RABGAP1L: variants seen among roughly 807,000 people sequenced by gnomAD.
The protein encoded by RABGAP1L is RAB GTPase activating protein 1 like.
A neutral mutation model predicts 137.7 loss-of-function variants in RABGAP1L; 63 were observed. That is an observed-to-expected ratio of 0.46 (90% CI 0.37 to 0.56). The LOEUF (loss-of-function observed/expected upper bound fraction) is 0.56. Among genes scored for constraint, RABGAP1L ranks in the 20% least tolerant of loss-of-function variants. The pLI, the probability that RABGAP1L is intolerant of heterozygous loss-of-function variation, is 0.00. For missense variants in RABGAP1L, 1,095 were observed against 1,244.0 expected, an observed-to-expected ratio of 0.88 and a Z score of 1.80; for synonymous variants, 431 against 433.7, an observed-to-expected ratio of 0.99 and a Z score of 0.08.
At chr1:174,950,047 C>T (rs974649851) in intron 19 of RABGAP1L, among the ~76,000 whole-genome samples, 1 of 152,188 alleles carries the variant, frequency 6.6e-6, no homozygotes, top group Admixed American at 6.5e-5. Context: ...GGTCCAGGTA[C>T]ATGTCACAAG....
chr1:174,284,384 C>T (rs973407828), intron 10 of RABGAP1L, among the ~76,000 whole-genome samples: 5 of 152,176 alleles, frequency 3.3e-5, no homozygotes, highest in Admixed American at 2.6e-4. Context: ...GCATAATGCT[C>T]TCCACCTTTA....
rs75882909 is a variant in RABGAP1L at position 174,971,627 on chromosome 1, C to G, written c.2544+2240C>G. ...AAAACTGCTGTTTCATGCATATTTC[C>G]TCCTAACTTCTGATTTTGCAGTTTC... On this transcript the variant is annotated intron_variant, in intron 21 of 25. Coordinates refer to ENST00000681986, the MANE Select transcript of RABGAP1L (RefSeq NM_001366446.1). 5.7e-4 allele frequency among the ~76,000 whole-genome samples: 87 copies of G among 152,274 alleles called. No homozygotes were observed. In the East Asian group the frequency reaches 0.016, roughly 29 times the overall value.
chr1:174,599,090 T>C (rs1245083786), intron 13 of RABGAP1L, among the ~76,000 whole-genome samples: 2 of 152,198 alleles, frequency 1.3e-5, no homozygotes, highest in African/African-American at 4.8e-5. Context: ...CATTTTTGTG[T>C]GTTTGTATCT....
chr1:174,596,512 A>T (rs1669937972), intron 13 of RABGAP1L, among the ~76,000 whole-genome samples: 1 of 152,088 alleles, frequency 6.6e-6, no homozygotes, highest in African/African-American at 2.4e-5. Flanking sequence ...TTTCTTTTTC[A>T]GATTGTTCAT....
intron 21 of RABGAP1L, among the ~76,000 whole-genome samples, chr1:174,972,046 G>A (rs1344090374): frequency 1.3e-5 from 2 of 152,046 alleles, no homozygotes; most frequent in African/African-American, 4.8e-5. Context: ...TTGAGAACTC[G>A]CCCTCTCTCG....
rs1387591091 is a variant in RABGAP1L at position 174,761,597 on chromosome 1, C to T, written c.2211+9243C>T. ...CTCCTCATTTTTCAGACGGTGCGGC[C>T]GCCAGGCAGAGGCACTCCTCACTTC... On this transcript the variant is annotated intron_variant, in intron 18 of 25. Coordinates refer to ENST00000681986, the MANE Select transcript of RABGAP1L (RefSeq NM_001366446.1). This position sits in a 1 kb window ranked among gnomAD's most constrained non-coding sequence, Gnocchi z 4.0. Among the ~76,000 whole-genome samples, 3 of 151,096 alleles carry T rather than the reference C, an allele frequency of 2.0e-5. No homozygotes were observed. Among genetic ancestry groups the T allele is most frequent in the Admixed American group, 6.6e-5 (1 of 15,184 alleles).
chr1:174,849,314 C>T (rs1051927014), intron 19 of RABGAP1L, among the ~76,000 whole-genome samples: 1 of 152,110 alleles, frequency 6.6e-6, no homozygotes, highest in Non-Finnish European at 1.5e-5. Context: ...GAACTAAACA[C>T]CTAAACTGGA....
intron 13 of RABGAP1L, among the ~76,000 whole-genome samples, chr1:174,468,943 G>C (rs1365657729): frequency 6.6e-6 from 1 of 152,142 alleles, no homozygotes; most frequent in East Asian, 1.9e-4. Flanking sequence ...AGATTACACT[G>C]CTAATCATTT....
At chr1:174,899,938 G>C (rs1356993259) in intron 19 of RABGAP1L, among the ~76,000 whole-genome samples, 1 of 152,124 alleles carries the variant, frequency 6.6e-6, no homozygotes, top group African/African-American at 2.4e-5. Context: ...GAATGTTTGG[G>C]GGGGTAGAAT....
intron 14 of RABGAP1L, among the ~76,000 whole-genome samples, chr1:174,672,675 A>G (rs1312601244): frequency 6.6e-6 from 1 of 151,972 alleles, no homozygotes; most frequent in Non-Finnish European, 1.5e-5. Context: ...ATTTTTCTCA[A>G]AAAAATTTTA....
At chr1:174,682,895 G>A (rs1203185853) in intron 14 of RABGAP1L, among the ~76,000 whole-genome samples, 1 of 152,166 alleles carries the variant, frequency 6.6e-6, no homozygotes, top group Non-Finnish European at 1.5e-5. Flanking sequence ...TATGTATGTA[G>A]CATGAGGCTG....
chr1:174,504,153 T>G (rs1661601225), intron 13 of RABGAP1L, among the ~76,000 whole-genome samples: 1 of 151,758 alleles, frequency 6.6e-6, no homozygotes, highest in African/African-American at 2.4e-5. Context: ...TTGTGTTTTT[T>G]GTAGAGTTAG....
intron 11 of RABGAP1L, among the ~76,000 whole-genome samples, chr1:174,344,183 G>T (rs1682234087): frequency 6.6e-6 from 1 of 152,144 alleles, no homozygotes; most frequent in South Asian, 2.1e-4. Flanking sequence ...GGTATATAGG[G>T]TGTCTAAAAG....
chr1:174,908,970 G>T (rs113203129), intron 19 of RABGAP1L, among the ~76,000 whole-genome samples: 1 of 149,002 alleles, frequency 6.7e-6, no homozygotes, highest in African/African-American at 2.5e-5. Context: ...TCAGGAGATC[G>T]AGACCATCCT....
At chr1:174,330,662 A>G (rs575164886) in intron 11 of RABGAP1L, among the ~76,000 whole-genome samples, 1 of 152,342 alleles carries the variant, frequency 6.6e-6, no homozygotes, top group African/African-American at 2.4e-5. Context: ...ATTGAAAATT[A>G]TAAAACATTG....
intron 10 of RABGAP1L, among the ~76,000 whole-genome samples, chr1:174,289,852 C>T (rs904352517): frequency 2.0e-5 from 3 of 152,192 alleles, no homozygotes; most frequent in Non-Finnish European, 4.4e-5. Flanking sequence ...GGTGAGGCTG[C>T]AGGCTGTGCC....
chr1:174,451,882 C>T (rs1054758022), intron 13 of RABGAP1L, among the ~76,000 whole-genome samples: 2 of 152,004 alleles, frequency 1.3e-5, no homozygotes, highest in African/African-American at 4.8e-5. Context: ...TTTGTTATTT[C>T]CCTTGAATAC....
intron 19 of RABGAP1L, among the ~76,000 whole-genome samples, chr1:174,933,363 G>T (rs968642530): frequency 6.6e-6 from 1 of 151,918 alleles, no homozygotes; most frequent in Non-Finnish European, 1.5e-5. Context: ...TTCTGCTTGG[G>T]CTCCAACACA....
At chr1:174,282,446 T>C (rs553600520) in intron 10 of RABGAP1L, among the ~76,000 whole-genome samples, 2 of 152,314 alleles carry the variant, frequency 1.3e-5, no homozygotes, top group East Asian at 3.9e-4. Flanking sequence ...CTTTATAAAA[T>C]GTCTAAAATT....
Sources: allele counts gnomAD v4.1 joint callset (sites outside exome capture counted in the v4.1 genomes callset), GRCh38; gene constraint gnomAD v4.1.1; non-coding constraint Gnocchi (gnomAD v3.1); transcripts MANE v1.5; gene names NCBI Gene and HGNC (gene_info 2026-07-23, HGNC 2026-07-21).